RASGRF2: variants seen among roughly 807,000 people sequenced by gnomAD.
RASGRF2 encodes the protein ras-specific guanine nucleotide-releasing factor 2.
In RASGRF2, 76 loss-of-function variants were observed where a neutral mutation model predicts 151.0. The ratio of observed to expected loss-of-function variants is 0.50; its 90% CI spans 0.42 to 0.61. RASGRF2 has a LOEUF of 0.61. RASGRF2 is among the 20% of genes least tolerant of loss of function. RASGRF2 has a pLI of 0.00. For synonymous variants in RASGRF2, 504 were observed against 566.5 expected (o/e 0.89, Z 1.57); for missense variants, 1,148 against 1,564.6 (o/e 0.73, Z 4.49).
intron 18 of RASGRF2, among the ~76,000 whole-genome samples, chr5:81,184,954 C>T (rs1007660200): frequency 3.3e-5 from 5 of 152,190 alleles, no homozygotes; most frequent in Non-Finnish European, 5.9e-5. Flanking sequence ...GCTGTTAAAT[C>T]GAATTCTTCA....
intron 14 of RASGRF2, chr5:81,113,312 G>A (rs1753052892): frequency 5.0e-6 from 3 of 601,682 alleles, no homozygotes; most frequent in Non-Finnish European, 8.6e-6. Context: ...CAATGCTGCT[G>A]TTTGGACCAC....
chr5:80,974,317 G>A (rs772229298), intron 1 of RASGRF2, among the ~76,000 whole-genome samples: 1 of 152,236 alleles, frequency 6.6e-6, no homozygotes, highest in Non-Finnish European at 1.5e-5. Flanking sequence ...CAACCGAAAA[G>A]TCAGTTCTAC....
intron 8 of RASGRF2, 72 bp downstream of exon 8, chr5:81,085,983 T>C (rs181024304): frequency 4.4e-6 from 7 of 1,596,884 alleles, no homozygotes; most frequent in Admixed American, 3.5e-5. Flanking sequence ...AAACCTCCTG[T>C]ATATGTTCTA....
intron 1 of RASGRF2, among the ~76,000 whole-genome samples, chr5:81,041,974 C>T (rs1561573293): frequency 1.3e-5 from 2 of 152,150 alleles, no homozygotes; most frequent in African/African-American, 4.8e-5. Flanking sequence ...CTTTTCTATT[C>T]AACCTGATGC....
chr5:80,973,927 G>A (rs1748025692), intron 1 of RASGRF2, among the ~76,000 whole-genome samples: 1 of 152,196 alleles, frequency 6.6e-6, no homozygotes, highest in Non-Finnish European at 1.5e-5. Context: ...AATCCGAAAA[G>A]GTATCAACAG....
chr5:81,093,063 A>AGATTGTCAT, intron 10 of RASGRF2, 102 bp downstream of exon 10: 1 of 1,247,428 alleles, frequency 8.0e-7, no homozygotes, highest in South Asian at 1.5e-5. Context: ...ATCATAAAAC[A>AGATTGTCAT]GATTGTCATG....
At chr5:80,978,593 C>T (rs1748200810) in intron 1 of RASGRF2, among the ~76,000 whole-genome samples, 1 of 152,042 alleles carries the variant, frequency 6.6e-6, no homozygotes, top group Non-Finnish European at 1.5e-5. Flanking sequence ...TCGTGACCAG[C>T]CTGGCCAACA....
At chr5:81,194,825 A>T in intron 18 of RASGRF2, among the ~76,000 whole-genome samples, 1 of 152,234 alleles carries the variant, frequency 6.6e-6, no homozygotes, top group East Asian at 1.9e-4. Flanking sequence ...AAACCCACCC[A>T]GAAGTCTGCT....
intron 18 of RASGRF2, among the ~76,000 whole-genome samples, chr5:81,198,394 G>A (rs1417397355): frequency 6.6e-6 from 1 of 151,994 alleles, no homozygotes; most frequent in Non-Finnish European, 1.5e-5. Flanking sequence ...GCATTAGTTT[G>A]CTTAGGATAA....
chr5:81,027,595 G>A (rs10491486), intron 1 of RASGRF2, among the ~76,000 whole-genome samples: 19,043 of 152,164 alleles, frequency 0.13, 1,338 homozygotes, highest in Non-Finnish European at 0.16. Context: ...ACATTAAAAT[G>A]TCACATCCTT....
intron 2 of RASGRF2, among the ~76,000 whole-genome samples, chr5:81,043,600 A>G (rs752180240): frequency 6.6e-6 from 1 of 152,206 alleles, no homozygotes; most frequent in Non-Finnish European, 1.5e-5. Context: ...AAGAGATACA[A>G]GGCAGGTCCC....
chr5:81,038,860 G>A lies in RASGRF2; in HGVS notation c.289-4017G>A, dbSNP rs959024195. On this transcript the variant is annotated intron_variant, in intron 1 of 26. Coordinates refer to ENST00000265080, the MANE Select transcript of RASGRF2 (RefSeq NM_006909.3). Reference sequence around the variant, plus strand: ...CAAATTGCTGGGATTACAAGCATGAGCCCCTGTGCCCGGCCTATATTCTTG... The same window carrying A: ...CAAATTGCTGGGATTACAAGCATGAACCCCTGTGCCCGGCCTATATTCTTG... 2.0e-5 allele frequency among the ~76,000 whole-genome samples: 3 copies of A among 152,240 alleles called. No individual in the cohort carries two copies. The South Asian group carries it at 6.2e-4, about 32-fold the overall frequency.
chr5:81,023,549 A>C (rs193227683), intron 1 of RASGRF2, among the ~76,000 whole-genome samples: 5 of 149,994 alleles, frequency 3.3e-5, no homozygotes, highest in Non-Finnish European at 5.9e-5. Flanking sequence ...TTGCAGGCAC[A>C]TGCAGAGGCA....
At chr5:81,186,113 T>C (rs1755020332) in intron 18 of RASGRF2, among the ~76,000 whole-genome samples, 1 of 152,248 alleles carries the variant, frequency 6.6e-6, no homozygotes, top group Admixed American at 6.5e-5. Context: ...ATTCATTTTA[T>C]GGTGAACAAA....
At chr5:81,044,857 TC>T (rs1381855500) in intron 2 of RASGRF2, among the ~76,000 whole-genome samples, 2 of 152,174 alleles carry the variant, frequency 1.3e-5, no homozygotes, top group African/African-American at 4.8e-5. Flanking sequence ...TTTTTTCTTT[TC>T]CTCATTCAAA....
chr5:81,078,218 C>T lies in RASGRF2; in HGVS notation c.888-1903C>T, dbSNP rs1313561045. Among the ~76,000 whole-genome samples the T allele has an allele frequency of 6.6e-5, 10 of 152,096 alleles. No individual in the cohort carries two copies. In the East Asian group the frequency reaches 1.2e-3, roughly 18 times the overall value. ...ATCAAATGTGGGTAATTGAGATATC[C>T]GTCACCTCAAACATTTATCATTTCT... On this transcript the variant is annotated intron_variant, in intron 5 of 26. Transcript: ENST00000265080.
intron 1 of RASGRF2, among the ~76,000 whole-genome samples, chr5:81,022,562 G>A (rs1203927809): frequency 6.6e-6 from 1 of 152,164 alleles, no homozygotes; most frequent in African/African-American, 2.4e-5. Flanking sequence ...AGTGCCTTAA[G>A]CTCCTCATTC....
At chr5:81,173,173 T>C (rs1414495003) in intron 17 of RASGRF2, among the ~76,000 whole-genome samples, 1 of 152,040 alleles carries the variant, frequency 6.6e-6, no homozygotes, top group Non-Finnish European at 1.5e-5. Context: ...GGTTAGGAGT[T>C]CGCAACCACC....
At chr5:81,097,296 C>T (rs1752575748) in intron 12 of RASGRF2, among the ~76,000 whole-genome samples, 1 of 152,092 alleles carries the variant, frequency 6.6e-6, no homozygotes, top group Non-Finnish European at 1.5e-5. Flanking sequence ...TACCATCACA[C>T]AAAATGACTA....
Sources: gnomAD v4.1 joint callset for allele counts (sites outside exome capture counted in the v4.1 genomes callset) on GRCh38, gnomAD v4.1.1 for gene constraint, MANE v1.5 for transcripts, NCBI Gene and HGNC (gene_info 2026-07-23, HGNC 2026-07-21) for gene names.